The following LUC7L2 variants were observed in gnomAD, a reference collection of about 807,000 sequenced individuals.
LUC7L2 encodes putative RNA-binding protein Luc7-like 2.
Under a neutral mutation model 52.8 loss-of-function variants are expected in LUC7L2, and 25 were observed. The ratio of observed to expected loss-of-function variants is 0.47; its 90% CI spans 0.34 to 0.66. The LOEUF (loss-of-function observed/expected upper bound fraction) is 0.66, where lower values mean the gene tolerates loss of function less well. Ranked by LOEUF, LUC7L2 falls within the 30% of genes least tolerant of loss-of-function variation. The pLI is 0.01. For synonymous variants in LUC7L2, 144 were observed against 160.9 expected, an observed-to-expected ratio of 0.89 and a Z score of 0.80; for missense variants, 328 against 497.8, an observed-to-expected ratio of 0.66 and a Z score of 3.25.
At chr7:139,389,633 G>A (rs1271635989) in intron 2 of LUC7L2, among the ~76,000 whole-genome samples, 1 of 152,220 alleles carries the variant, frequency 6.6e-6, no homozygotes, top group East Asian at 1.9e-4. Flanking sequence ...TTAGAAGTAG[G>A]TAAAGTTATG....
chr7:139,376,187 A>G, intron 2 of LUC7L2, 31 bp downstream of exon 2: 3 of 1,606,460 alleles, frequency 1.9e-6, no homozygotes, highest in Non-Finnish European at 2.6e-6. Context: ...TTGTTAGATT[A>G]CTGATATGCT....
At chr7:139,416,039 A>T (rs1795585552) in intron 8 of LUC7L2, 1 of 112,602 alleles carries the variant, frequency 8.9e-6, no homozygotes, top group Non-Finnish European at 1.9e-5. Context: ...TTGAGGTATA[A>T]AATATATATA....
At chr7:139,340,849 GGGAAGTGT>G (rs1798911499) in intron 1 of LUC7L2, among the ~76,000 whole-genome samples, 3 of 150,132 alleles carry the variant, frequency 2.0e-5, no homozygotes, top group Admixed American at 1.3e-4. Flanking sequence ...TTTTTTAAAT[GGGAAGTGT>G]GTGTGTGTTT....
chr7:139,405,291 T>G (rs978006786), intron 4 of LUC7L2, among the ~76,000 whole-genome samples: 2 of 151,976 alleles, frequency 1.3e-5, no homozygotes, highest in Admixed American at 1.3e-4. Flanking sequence ...ACAGGGTAAG[T>G]TTGGGGAAAC....
chr7:139,406,950 G>A (rs542034764), intron 5 of LUC7L2, among the ~76,000 whole-genome samples: 1 of 147,462 alleles, frequency 6.8e-6, no homozygotes, highest in Non-Finnish European at 1.5e-5. Flanking sequence ...GATAGAGGAT[G>A]GGGATAAAGG....
Position 139,405,636 on chromosome 7 carries a change from CT to C in LUC7L2, c.367-3del. The C allele has an allele frequency of 6.4e-7, 1 of 1,574,704 alleles. No individual in the cohort carries two copies. The highest frequency in any genetic ancestry group is 1.2e-5 in the South Asian group (1 of 83,812). On this transcript the variant is annotated splice_region_variant and splice_polypyrimidine_tract_variant and intron_variant, in intron 4 of 9. Transcript: ENST00000354926. The stretch of plus-strand genomic sequence containing the variant: ...TTATTCATGATCTTCTTTTTTATTT[CT>C]TTTTAGGCAGAACGTGTTCATGAGT...
intron 7 of LUC7L2, among the ~76,000 whole-genome samples, chr7:139,410,044 A>G (rs897384318): frequency 1.4e-4 from 22 of 152,152 alleles, no homozygotes. Flanking sequence ...CGACTCTACT[A>G]AAAATACAAA....
rs144789769 is a variant in LUC7L2, at chr7:139,372,314, T to C, written c.62-3748T>C. 2.5e-3 allele frequency among the ~76,000 whole-genome samples: 377 copies of C among 152,316 alleles called. 2 individuals carry two copies. Among genetic ancestry groups the C allele is most frequent in the African/African-American group, 8.5e-3 (354 of 41,566 alleles). ...AAAAATGTAAGAAATCAAATGTTAC[T>C]CAAAAAGTATTGTTTTGCTCCCAAC... On this transcript the variant is annotated intron_variant, in intron 1 of 9. Coordinates refer to ENST00000354926, the MANE Select transcript of LUC7L2 (RefSeq NM_016019.5).
Position 139,389,446 on chromosome 7 carries a change from C to T in LUC7L2, c.157-9153C>T, listed in dbSNP as rs528934089. ...TTCTCGTTCCAGTTAAGTTGTTCCT[C>T]TTTATTTTCCCGATAGGAAATACTG... is the stretch of plus-strand genomic sequence containing the variant. On this transcript the variant is annotated intron_variant, in intron 2 of 9. Coordinates refer to ENST00000354926, the MANE Select transcript of LUC7L2 (RefSeq NM_016019.5). Among the ~76,000 whole-genome samples the T allele has an allele frequency of 2.0e-5, 3 of 152,212 alleles. No homozygotes were observed. In the East Asian group the frequency reaches 5.8e-4, roughly 29 times the overall value.
At chr7:139,401,741 C>A (rs1271317054) in intron 3 of LUC7L2, among the ~76,000 whole-genome samples, 1 of 150,572 alleles carries the variant, frequency 6.6e-6, no homozygotes, top group Non-Finnish European at 1.5e-5. Flanking sequence ...GCGTGACCCA[C>A]CACGCCCAGC....
In LUC7L2 at chr7:139,417,629, C is replaced by T. The variant is rs767922089; in HGVS notation, c.901C>T (p.His301Tyr). ...RTRSKSREKR[H>Y]RHRSRSSSRS... ...TCGATCCAAATCTCGGGAGAAACGC[C>T]ATCGCCACAGGTCCCGCTCCAGCAG... is the stretch of plus-strand genomic sequence containing the variant. Residue 301 changes from histidine to tyrosine, a missense_variant, in exon 9 of 10, where the codon CAT becomes TAT. Physicochemically the swap from His to Tyr is moderately conservative, Grantham distance 83. Transcript: ENST00000354926. The T allele has an allele frequency of 3.7e-6, 6 of 1,614,116 alleles. No individual in the cohort carries two copies. Among genetic ancestry groups the T allele is most frequent in the Non-Finnish European group, 5.1e-6 (6 of 1,180,016 alleles).
intron 1 of LUC7L2, among the ~76,000 whole-genome samples, chr7:139,361,085 G>C (rs1447807504): frequency 1.3e-5 from 2 of 152,216 alleles, no homozygotes; most frequent in Admixed American, 1.3e-4. Context: ...CAGGCGTTTA[G>C]TTTAGAATCT....
At chr7:139,412,334 C>G (rs1286275288) in intron 7 of LUC7L2, among the ~76,000 whole-genome samples, 2 of 151,860 alleles carry the variant, frequency 1.3e-5, no homozygotes, top group South Asian at 2.1e-4. Flanking sequence ...GGAACATATT[C>G]TTTAAGAGCC....
At chr7:139,380,365 G>A (rs1489226143) in intron 2 of LUC7L2, among the ~76,000 whole-genome samples, 6 of 151,652 alleles carry the variant, frequency 4.0e-5, no homozygotes, top group African/African-American at 1.5e-4. Context: ...AGGCCGAGGG[G>A]GGATGGGGGA....
chr7:139,373,755 G>T (rs935939167), intron 1 of LUC7L2, among the ~76,000 whole-genome samples: 19 of 152,300 alleles, frequency 1.2e-4, no homozygotes, highest in East Asian at 9.6e-4. Flanking sequence ...TCTGCCTGAT[G>T]AAATGTTTGA....
upstream of LUC7L2, among the ~76,000 whole-genome samples, chr7:139,354,950 G>T (rs534808933): frequency 6.6e-6 from 1 of 151,990 alleles, no homozygotes; most frequent in African/African-American, 2.4e-5. Context: ...TTGACCACAT[G>T]GGGCTCAAGA....
At chr7:139,341,551 C>T (rs1206456601) in intron 1 of LUC7L2, 2 of 1,601,522 alleles carry the variant, frequency 1.2e-6, no homozygotes, top group African/African-American at 1.3e-5. Context: ...GGGTGCTCTA[C>T]GTGCTGGGGA....
chr7:139,384,949 C>G (rs1794128038), intron 2 of LUC7L2, among the ~76,000 whole-genome samples: 1 of 152,106 alleles, frequency 6.6e-6, no homozygotes. Context: ...TTAGATCATT[C>G]ATTTTATATA....
At chr7:139,402,066 ATTTTTGTATG>A in intron 3 of LUC7L2, 61 bp from the exon 4 acceptor site, 1 of 1,447,800 alleles carries the variant, frequency 6.9e-7, no homozygotes, top group Middle Eastern at 2.0e-4. Flanking sequence ...GCAAAGTGTG[ATTTTTGTATG>A]AAGATATTTC....
Sources: gnomAD v4.1 joint callset for allele counts (sites outside exome capture counted in the v4.1 genomes callset) on GRCh38, gnomAD v4.1.1 for gene constraint, MANE v1.5 for transcripts, NCBI Gene and HGNC (gene_info 2026-07-23, HGNC 2026-07-21) for gene names.